MIPOL1: variants seen among roughly 807,000 people sequenced by gnomAD.
The protein encoded by MIPOL1 is mirror-image polydactyly gene 1 protein.
A neutral mutation model predicts 60.9 loss-of-function variants in MIPOL1; 57 were observed. The ratio of observed to expected loss-of-function variants is 0.94; its 90% CI spans 0.76 to 1.17. The LOEUF is 1.17. Among genes scored for constraint, MIPOL1 ranks in the 50% most tolerant of loss-of-function variants. The pLI is 0.00. For missense variants in MIPOL1, 551 were observed against 511.6 expected (o/e 1.08, Z -0.74); for synonymous variants, 179 against 168.8 (o/e 1.06, Z -0.47).
chr14:37,325,277 T>C (rs2089030856), intron 9 of MIPOL1, among the ~76,000 whole-genome samples: 1 of 152,164 alleles, frequency 6.6e-6, no homozygotes, highest in Non-Finnish European at 1.5e-5. Context: ...ACCCTCGTCT[T>C]TTTGATATGT....
chr14:37,304,155 CAT>C (rs1322415829), intron 7 of MIPOL1, among the ~76,000 whole-genome samples: 1 of 151,670 alleles, frequency 6.6e-6, no homozygotes, highest in African/African-American at 2.4e-5. Flanking sequence ...AAATTGTTCA[CAT>C]CTTTTAAAAA....
chr14:37,322,317 A>G (rs1330488524), intron 9 of MIPOL1, among the ~76,000 whole-genome samples: 1 of 152,008 alleles, frequency 6.6e-6, no homozygotes, highest in Non-Finnish European at 1.5e-5. Flanking sequence ...GTGTTACCCC[A>G]GAGTTTCCTC....
intron 11 of MIPOL1, among the ~76,000 whole-genome samples, chr14:37,498,966 T>C (rs1336037755): frequency 2.0e-5 from 3 of 152,192 alleles, no homozygotes; most frequent in Admixed American, 6.6e-5. Flanking sequence ...ATTGCTTTCC[T>C]TCCCATTATC....
Position 37,497,435 on chromosome 14 carries a change from T to C in MIPOL1, c.1032-2473T>C, listed in dbSNP as rs111571456. Among the ~76,000 whole-genome samples, 13 of 152,312 alleles carry C rather than the reference T, an allele frequency of 8.5e-5. 1 individual carries two copies. The highest frequency in any genetic ancestry group is 3.1e-4 in the African/African-American group (13 of 41,568). Reference sequence around the variant, plus strand: ...AGGCCATATATGTAAAGTTAAAATATAAGGGAATGGAGTAGGCTAAGATTT... The same window carrying C: ...AGGCCATATATGTAAAGTTAAAATACAAGGGAATGGAGTAGGCTAAGATTT... On this transcript the variant is annotated intron_variant, in intron 11 of 12. Transcript: ENST00000684589.
chr14:37,344,334 A>G (rs766148996), intron 9 of MIPOL1, among the ~76,000 whole-genome samples: 5 of 152,024 alleles, frequency 3.3e-5, no homozygotes, highest in Non-Finnish European at 7.4e-5. Flanking sequence ...TAAAAATAAA[A>G]TAAAGTCAGT....
In MIPOL1 at chr14:37,301,113, G is replaced by A. The variant is rs1449807634; in HGVS notation, c.624-6943G>A. 1.4e-4 allele frequency among the ~76,000 whole-genome samples: 2 copies of A among 13,824 alleles called. 1 individual carries two copies. The highest frequency in any genetic ancestry group is 1.1e-3 in the Non-Finnish European group (2 of 1,900). 9.1% of individuals were successfully genotyped at this position (13,824 alleles called of 152,430 possible). On this transcript the variant is annotated intron_variant, in intron 7 of 12. Transcript: ENST00000684589. ...TGTGTGTATATGTATATGTGTGTGT[G>A]TATATATATATACACACTAACTGAT...
chr14:37,532,660 T>G (rs1238200219), intron 12 of MIPOL1, among the ~76,000 whole-genome samples: 2 of 152,152 alleles, frequency 1.3e-5, no homozygotes, highest in Admixed American at 6.5e-5. Context: ...GTGAACATGG[T>G]AATTTGTTAT....
At chr14:37,361,663 T>C (rs2092261148) in intron 9 of MIPOL1, among the ~76,000 whole-genome samples, 1 of 137,204 alleles carries the variant, frequency 7.3e-6, no homozygotes. Context: ...TGAAGGGCAG[T>C]GGCTCGATTT....
chr14:37,399,295 C>T (rs1168383220), intron 10 of MIPOL1, among the ~76,000 whole-genome samples: 1 of 152,170 alleles, frequency 6.6e-6, no homozygotes, highest in African/African-American at 2.4e-5. Flanking sequence ...AAACAATCCT[C>T]TGACTGATTA....
intron 11 of MIPOL1, among the ~76,000 whole-genome samples, chr14:37,452,566 A>G (rs1030501257): frequency 2.6e-5 from 4 of 152,204 alleles, no homozygotes; most frequent in Admixed American, 6.5e-5. Flanking sequence ...GATCCATTTC[A>G]TTAATTGTCA....
At chr14:37,359,457 C>T (rs555820415) in intron 9 of MIPOL1, among the ~76,000 whole-genome samples, 4 of 152,278 alleles carry the variant, frequency 2.6e-5, no homozygotes, top group Admixed American at 2.6e-4. Flanking sequence ...TTGATTCTTT[C>T]TATCCATGAG....
In MIPOL1 at chr14:37,198,054, C is replaced by G. The variant is rs75785772; in HGVS notation, c.-249C>G. The G allele has an allele frequency of 0.034, 5,223 of 152,392 alleles. 226 individuals carry two copies. The highest frequency in any genetic ancestry group is 0.24 in the East Asian group (1,239 of 5,142). The allele number at this position is 152,392 out of a possible 1,614,324, so 9.4% of individuals were successfully genotyped here. ...GTGGCTGCGCACTCGGCCTGAGAAA[C>G]TCGGCAAGCGCGCAGTGTCGACTCC... On this transcript the variant is annotated 5_prime_UTR_variant, in exon 1 of 13. Coordinates refer to ENST00000684589, the MANE Select transcript of MIPOL1 (RefSeq NM_001388067.1).
chr14:37,331,390 A>G (rs1325384630), intron 9 of MIPOL1, among the ~76,000 whole-genome samples: 1 of 152,068 alleles, frequency 6.6e-6, no homozygotes, highest in Non-Finnish European at 1.5e-5. Context: ...ATCCATGAAC[A>G]TGGATTCTTT....
intron 9 of MIPOL1, among the ~76,000 whole-genome samples, chr14:37,339,112 TA>T (rs2153460878): frequency 6.6e-6 from 1 of 152,316 alleles, no homozygotes; most frequent in East Asian, 1.9e-4. Flanking sequence ...AATGCATATT[TA>T]ATCATGTATA....
At chr14:37,377,301 C>CT (rs1223863487) in intron 10 of MIPOL1, among the ~76,000 whole-genome samples, 1 of 152,086 alleles carries the variant, frequency 6.6e-6, no homozygotes. Context: ...AGAGGGGCAT[C>CT]TTTGTAAAAG....
At chr14:37,414,162 A>G (rs1307414530) in intron 10 of MIPOL1, among the ~76,000 whole-genome samples, 1 of 152,222 alleles carries the variant, frequency 6.6e-6, no homozygotes, top group Non-Finnish European at 1.5e-5. Context: ...ATAATCTTTA[A>G]TAATACCCAT....
chr14:37,286,953 C>A (rs1320991071), intron 7 of MIPOL1, among the ~76,000 whole-genome samples: 1 of 151,948 alleles, frequency 6.6e-6, no homozygotes, highest in African/African-American at 2.4e-5. Flanking sequence ...GGATAAAAAT[C>A]AATTCATTCT....
chr14:37,270,878 T>C (rs1294582757), intron 6 of MIPOL1, among the ~76,000 whole-genome samples: 1 of 152,056 alleles, frequency 6.6e-6, no homozygotes, highest in Admixed American at 6.6e-5. Flanking sequence ...ATACCACTTA[T>C]TGTTTTAGCT....
At position 37,547,274 on chromosome 14, in the gene MIPOL1, T is replaced by A; in HGVS notation, c.*303T>A. 3.7e-6 allele frequency: 1 copy of A among 272,372 alleles called. No homozygotes were observed. The highest frequency in any genetic ancestry group is 7.1e-5 in the East Asian group (1 of 13,988). The allele number at this position is 272,372 out of a possible 1,614,324, so 16.9% of individuals were successfully genotyped here. On this transcript the variant is annotated 3_prime_UTR_variant, in exon 13 of 13. Transcript: ENST00000684589. ...TAATATAAATCTTTTTACTGAGAGA[T>A]CATTATAGAAACATGTTAAAGTTGG...
Sources: gnomAD v4.1 joint callset for allele counts (sites outside exome capture counted in the v4.1 genomes callset) on GRCh38, gnomAD v4.1.1 for gene constraint, MANE v1.5 for transcripts, NCBI Gene and HGNC (gene_info 2026-07-23, HGNC 2026-07-21) for gene names.